Variants in SAMSN1 observed in about 807,000 individuals in gnomAD.
SAMSN1 encodes SAM domain, SH3 domain and nuclear localization signals 1, also known as SAM domain-containing protein SAMSN-1.
Under a neutral mutation model 42.0 loss-of-function variants are expected in SAMSN1, and 31 were observed. That is an observed-to-expected ratio of 0.74 (90% CI 0.55 to 1.00). The LOEUF is 1.00. SAMSN1 is among the 50% of genes least tolerant of loss of function. The pLI, the probability that SAMSN1 is intolerant of heterozygous loss-of-function variation, is 0.00. For synonymous variants in SAMSN1, 178 were observed against 151.9 expected (o/e 1.17, Z -1.26); for missense variants, 464 against 439.4 (o/e 1.06, Z -0.50).
chr21:14,577,284 A>ATATATATTTT (rs1460040142), intron 2 of SAMSN1, among the ~76,000 whole-genome samples: 1 of 53,856 alleles, frequency 1.9e-5, no homozygotes, highest in African/African-American at 8.4e-5. Flanking sequence ...ATATATATAT[A>ATATATATTTT]TTTTTTTTTT....
At chr21:14,613,761 A>T (rs915700896) in intron 3 of SAMSN1, among the ~76,000 whole-genome samples, 6 of 152,146 alleles carry the variant, frequency 3.9e-5, no homozygotes, top group Non-Finnish European at 8.8e-5. Context: ...TTACAATACA[A>T]CAAAACAGAA....
At chr21:14,497,402 C>T (rs1986953861) in intron 7 of SAMSN1, among the ~76,000 whole-genome samples, 1 of 152,150 alleles carries the variant, frequency 6.6e-6, no homozygotes, top group African/African-American at 2.4e-5. Flanking sequence ...CGAGACCAGG[C>T]TGGCCAATAT....
intron 2 of SAMSN1, among the ~76,000 whole-genome samples, chr21:14,566,531 T>C (rs1285228681): frequency 1.3e-5 from 2 of 151,766 alleles, no homozygotes; most frequent in Non-Finnish European, 2.9e-5. Context: ...AAACCTTCCA[T>C]ATATATATAT....
intron 6 of SAMSN1, chr21:14,594,668 C>T (rs1982203393): frequency 6.6e-6 from 1 of 152,140 alleles, no homozygotes; most frequent in African/African-American, 2.4e-5. Flanking sequence ...ACTTTATGTA[C>T]CTGATATCAA....
chr21:14,559,309 A>G (rs1398287428), intron 2 of SAMSN1, among the ~76,000 whole-genome samples: 1 of 152,186 alleles, frequency 6.6e-6, no homozygotes, highest in Admixed American at 6.5e-5. Flanking sequence ...GACAACCAGT[A>G]GGTGAGCAGA....
upstream of SAMSN1, among the ~76,000 whole-genome samples, chr21:14,586,274 AAAAAG>A (rs1401309918): frequency 3.3e-5 from 5 of 150,018 alleles, no homozygotes; most frequent in African/African-American, 1.2e-4. Context: ...AAAAAAAAAA[AAAAAG>A]AAAAAGAAAA....
chr21:14,651,171 T>A (rs1268589841), intron 1 of SAMSN1, among the ~76,000 whole-genome samples: 1 of 151,752 alleles, frequency 6.6e-6, no homozygotes, highest in Non-Finnish European at 1.5e-5. Context: ...GCTTCCAAAC[T>A]CATTCTATGA....
At chr21:14,499,865 C>T (rs2123685299) in intron 6 of SAMSN1, among the ~76,000 whole-genome samples, 1 of 152,140 alleles carries the variant, frequency 6.6e-6, no homozygotes, top group South Asian at 2.1e-4. Context: ...ATTTTGAAAA[C>T]TATCAAAGTG....
chr21:14,601,982 C>T (rs1050387784), intron 6 of SAMSN1: 15 of 649,630 alleles, frequency 2.3e-5, no homozygotes, highest in Middle Eastern at 2.5e-4. Flanking sequence ...AGTAACAAGA[C>T]GATTTTCACA....
At chr21:14,634,392 G>A (rs1164244582) in intron 2 of SAMSN1, among the ~76,000 whole-genome samples, 1 of 151,996 alleles carries the variant, frequency 6.6e-6, no homozygotes, top group East Asian at 1.9e-4. Flanking sequence ...TACAGAATGG[G>A]AGAAAATTTT....
Position 14,516,976 on chromosome 21 carries a change from A to G in SAMSN1, c.195T>C (p.Gly65=). 2 of 1,613,132 alleles carry G rather than the reference A, an allele frequency of 1.2e-6. No individual in the cohort carries two copies. The highest frequency in any genetic ancestry group is 1.7e-6 in the Non-Finnish European group (2 of 1,179,520). Residue 65 remains glycine, a synonymous_variant, in exon 3 of 8, where the codon GGT becomes GGC. Coordinates refer to ENST00000400566, the MANE Select transcript of SAMSN1 (RefSeq NM_022136.5). ...EQSKTSNNGG[G]LGKKMRAISW... ...AAATAGCTCTCATTTTTTTACCCAA[A>G]CCGCCTCCATTATTTGAAGTTTTAC...
intron 2 of SAMSN1, among the ~76,000 whole-genome samples, chr21:14,628,705 A>T (rs1270628478): frequency 6.6e-6 from 1 of 152,228 alleles, no homozygotes; most frequent in Non-Finnish European, 1.5e-5. Flanking sequence ...AATGTTGGTA[A>T]ATGTCAGAGC....
At chr21:14,578,543 C>A (rs1981581782) in intron 2 of SAMSN1, among the ~76,000 whole-genome samples, 1 of 151,850 alleles carries the variant, frequency 6.6e-6, no homozygotes, top group South Asian at 2.1e-4. Context: ...ATAAGCCGGG[C>A]ATGGTGGCGG....
chr21:14,515,485 C>T (rs1484576627), intron 3 of SAMSN1, among the ~76,000 whole-genome samples: 1 of 151,998 alleles, frequency 6.6e-6, no homozygotes, highest in Non-Finnish European at 1.5e-5. Context: ...ATATACTGTA[C>T]AGTAAAATTA....
At chr21:14,599,443 C>T (rs1188434803) in intron 6 of SAMSN1, among the ~76,000 whole-genome samples, 1 of 152,126 alleles carries the variant, frequency 6.6e-6, no homozygotes, top group Non-Finnish European at 1.5e-5. Flanking sequence ...TGAGGCCTCC[C>T]CAGCAAGGCA....
intron 1 of SAMSN1, among the ~76,000 whole-genome samples, chr21:14,654,306 C>A (rs2123400503): frequency 6.6e-6 from 1 of 152,060 alleles, no homozygotes; most frequent in East Asian, 1.9e-4. Context: ...TTTAAGTAAC[C>A]CCTGTTCCAA....
At chr21:14,515,504 T>G (rs1971577324) in intron 3 of SAMSN1, among the ~76,000 whole-genome samples, 1 of 152,136 alleles carries the variant, frequency 6.6e-6, no homozygotes, top group African/African-American at 2.4e-5. Flanking sequence ...TATCTTGAAA[T>G]AAATGATACA....
upstream of SAMSN1, among the ~76,000 whole-genome samples, chr21:14,547,448 G>A (rs1389968340): frequency 6.6e-6 from 1 of 152,084 alleles, no homozygotes; most frequent in African/African-American, 2.4e-5. Context: ...ATACCCAGAA[G>A]TAAAAGCAAA....
intron 7 of SAMSN1, among the ~76,000 whole-genome samples, chr21:14,593,003 A>G (rs1055455847): frequency 6.6e-6 from 1 of 151,028 alleles, no homozygotes; most frequent in Non-Finnish European, 1.5e-5. Context: ...AGATCTCAAT[A>G]ATTTTCTTTT....
Sources: allele counts gnomAD v4.1 joint callset (sites outside exome capture counted in the v4.1 genomes callset), GRCh38; gene constraint gnomAD v4.1.1; transcripts MANE v1.5; gene names NCBI Gene and HGNC (gene_info 2026-07-23, HGNC 2026-07-21).